TRPS1: variants seen among roughly 807,000 people sequenced by gnomAD.
TRPS1 encodes transcriptional repressor GATA binding 1.
Under a neutral mutation model 101.2 loss-of-function variants are expected in TRPS1, and 6 were observed. The observed-to-expected ratio is 0.06, with a 90% CI of 0.03 to 0.12. The LOEUF is 0.12. Among genes scored for constraint, TRPS1 ranks in the 10% least tolerant of loss-of-function variants. The pLI is 1.00. For synonymous variants in TRPS1, 578 were observed against 589.8 expected (o/e 0.98, Z 0.29); for missense variants, 1,363 against 1,567.0 (o/e 0.87, Z 2.20).
chr8:115,495,449 G>T (rs1273620526), intron 5 of TRPS1, among the ~76,000 whole-genome samples: 1 of 149,430 alleles, frequency 6.7e-6, no homozygotes, highest in Non-Finnish European at 1.5e-5. Flanking sequence ...AATTATGGCA[G>T]AAAGGAGGAA....
intron 5 of TRPS1, among the ~76,000 whole-genome samples, chr8:115,556,579 T>G (rs917570131): frequency 6.6e-6 from 1 of 152,216 alleles, no homozygotes; most frequent in Non-Finnish European, 1.5e-5. Flanking sequence ...ATGCCATTCC[T>G]GTGCCAATTC....
chr8:115,529,319 T>C (rs1010211894), intron 5 of TRPS1, among the ~76,000 whole-genome samples: 2 of 152,070 alleles, frequency 1.3e-5, no homozygotes, highest in African/African-American at 4.8e-5. Flanking sequence ...ATGCAAGGTT[T>C]TGCTGTGTCT....
chr8:115,530,879 A>G (rs1816112234), intron 5 of TRPS1, among the ~76,000 whole-genome samples: 2 of 152,178 alleles, frequency 1.3e-5, no homozygotes, highest in South Asian at 2.1e-4. Context: ...GAATTGAACA[A>G]TGAGAACACC....
At chr8:115,585,062 C>T (rs867442498) in intron 5 of TRPS1, among the ~76,000 whole-genome samples, 1 of 152,186 alleles carries the variant, frequency 6.6e-6, no homozygotes, top group South Asian at 2.1e-4. Flanking sequence ...TAGTAGATTA[C>T]AGCCTTTGAA....
At chr8:115,647,298 A>G (rs865778575) in intron 1 of TRPS1, among the ~76,000 whole-genome samples, 1 of 152,176 alleles carries the variant, frequency 6.6e-6, no homozygotes, top group Non-Finnish European at 1.5e-5. Context: ...GGAAATTAAT[A>G]CAGAGGGTAT....
chr8:115,604,933 A>C lies in TRPS1; in HGVS notation c.1036T>G (p.Phe346Val). The C allele has an allele frequency of 6.2e-7, 1 of 1,614,010 alleles. No homozygotes were observed. Among genetic ancestry groups the C allele is most frequent in the Non-Finnish European group, 8.5e-7 (1 of 1,179,960 alleles). ...GTGAAATTGCAGAATTTACAGCGGA[A>C]ATACTTGGTGTTCCCTTGGCAATCT... ...TPDCQGNTKY[F>V]RCKFCNFTYM... Residue 346 changes from phenylalanine (F) to valine (V), a missense_variant, in exon 4 of 7, where the codon TTC (phenylalanine) becomes GTC (valine). Physicochemically the swap from Phe to Val is conservative, Grantham distance 50. Transcript: ENST00000395715. The surrounding 1 kb of genome is among the most constrained non-coding windows in gnomAD (Gnocchi z 4.1).
chr8:115,510,560 CTG>C (rs1231544212), intron 5 of TRPS1, among the ~76,000 whole-genome samples: 4 of 151,938 alleles, frequency 2.6e-5, no homozygotes, highest in Non-Finnish European at 5.9e-5. Flanking sequence ...AACAATGACA[CTG>C]TTTCTCAATC....
chr8:115,612,997 C>T (rs1818203818), intron 3 of TRPS1, among the ~76,000 whole-genome samples: 1 of 151,974 alleles, frequency 6.6e-6, no homozygotes, highest in Admixed American at 6.6e-5. Context: ...ATGTAATCTG[C>T]ATGGAAAAAA....
chr8:115,647,465 A>G (rs889917301), intron 1 of TRPS1, among the ~76,000 whole-genome samples: 1 of 152,198 alleles, frequency 6.6e-6, no homozygotes, highest in Non-Finnish European at 1.5e-5. Flanking sequence ...AAAATACAGT[A>G]GCCTTATATA....
At chr8:115,446,460 T>C (rs970281076) in intron 5 of TRPS1, among the ~76,000 whole-genome samples, 1 of 152,044 alleles carries the variant, frequency 6.6e-6, no homozygotes, top group Non-Finnish European at 1.5e-5. Flanking sequence ...TGGTTCCTGT[T>C]TCAAAACAAC....
intron 5 of TRPS1, among the ~76,000 whole-genome samples, chr8:115,562,322 G>A (rs1179291616): frequency 6.6e-6 from 1 of 151,758 alleles, no homozygotes; most frequent in African/African-American, 2.4e-5. Context: ...AAAGAAAATG[G>A]TTATTCACTT....
rs765101739 is a variant in TRPS1, at chr8:115,619,869, C to T, written c.229G>A (p.Val77Ile). Residue 77 changes from valine (V) to isoleucine (I), a missense_variant, in exon 3 of 7, where the codon GTT (valine) becomes ATT (isoleucine). Val to Ile is a conservative substitution (Grantham distance 29). Around this residue, in one of 5 missense-constraint regions of TRPS1, gnomAD observed 1,020 missense variants for 1,073.0 expected, o/e 0.95. Transcript: ENST00000395715. ...TTACTGCTAGAAGATGGATCTTGAA[C>T]ATGCAAGCTATGTTCCTCCTTATGA... ...LNHKEEHSLH[V>I]QDPSSSSKKD... 3.5e-5 allele frequency: 56 copies of T among 1,614,074 alleles called. No homozygotes were observed. The highest frequency in any genetic ancestry group is 4.4e-5 in the Non-Finnish European group (52 of 1,180,042).
rs1812821244 is a variant in TRPS1, at chr8:115,412,829, AC to A, written c.*1193del. ...AGCTTTCCCTTCATGGATAGTTTTT[AC>A]AAAGCCTTAAGTATTAAAAGTTCTA... On this transcript the variant is annotated 3_prime_UTR_variant, in exon 7 of 7. Transcript: ENST00000395715. 2 of 152,534 alleles carry A rather than the reference AC, an allele frequency of 1.3e-5. No homozygotes were observed. The highest frequency in any genetic ancestry group is 1.3e-4 in the Admixed American group (2 of 15,260). The allele number at this position is 152,534 out of a possible 1,614,324, so 9.4% of individuals were successfully genotyped here. A position where few individuals can be genotyped will look rare whatever the true frequency, so the allele number is the denominator to read the frequency against.
intron 5 of TRPS1, among the ~76,000 whole-genome samples, chr8:115,528,659 T>A (rs757460624): frequency 1.4e-4 from 22 of 152,028 alleles, no homozygotes; most frequent in South Asian, 8.3e-4. Flanking sequence ...AAAAACAAAA[T>A]TCAAAACTAA....
intron 5 of TRPS1, among the ~76,000 whole-genome samples, chr8:115,425,833 T>C (rs1205014442): frequency 6.6e-6 from 1 of 152,220 alleles, no homozygotes; most frequent in Non-Finnish European, 1.5e-5. Flanking sequence ...ACCCTGTATT[T>C]GGTAAAGGAG....
chr8:115,542,145 C>G (rs1430060432), intron 5 of TRPS1, among the ~76,000 whole-genome samples: 2 of 152,108 alleles, frequency 1.3e-5, no homozygotes, highest in East Asian at 3.9e-4. Flanking sequence ...TTACTATTTG[C>G]AGTGTTGGCA....
At chr8:115,592,010 C>T (rs1024510092) in intron 4 of TRPS1, among the ~76,000 whole-genome samples, 11 of 152,172 alleles carry the variant, frequency 7.2e-5, no homozygotes, top group Non-Finnish European at 5.9e-5. Flanking sequence ...CTTTCCACTT[C>T]CTACCTTTCT....
At chr8:115,649,791 C>CA (rs1313762505) in intron 1 of TRPS1, among the ~76,000 whole-genome samples, 3 of 152,310 alleles carry the variant, frequency 2.0e-5, no homozygotes, top group South Asian at 2.1e-4. Context: ...CAAGTGAAAA[C>CA]ACTAAGCCCA....
intron 4 of TRPS1, among the ~76,000 whole-genome samples, chr8:115,589,543 A>AT (rs1175476231): frequency 1.3e-5 from 2 of 152,100 alleles, no homozygotes; most frequent in Non-Finnish European, 2.9e-5. Flanking sequence ...TCTTTTCCCT[A>AT]TTTTTTTCAT....
Sources: allele counts gnomAD v4.1 joint callset (sites outside exome capture counted in the v4.1 genomes callset), GRCh38; gene constraint gnomAD v4.1.1; regional missense constraint gnomAD v4.1.1; non-coding constraint Gnocchi (gnomAD v3.1); transcripts MANE v1.5; gene names NCBI Gene and HGNC (gene_info 2026-07-23, HGNC 2026-07-21).